CHST9: variants seen among roughly 807,000 people sequenced by gnomAD.
The protein encoded by CHST9 is GalNAc-4-sulfotransferase 2.
In CHST9, 41 loss-of-function variants were observed where a neutral mutation model predicts 44.4. The observed-to-expected ratio is 0.92, with a 90% confidence interval of 0.72 to 1.20. CHST9 has a LOEUF of 1.20. Among genes scored for constraint, CHST9 ranks in the 50% most tolerant of loss-of-function variants. CHST9 has a pLI of 0.00. For missense variants in CHST9, 504 were observed against 516.5 expected (o/e 0.98, Z 0.23); for synonymous variants, 171 against 178.4 (o/e 0.96, Z 0.33).
intron 4 of CHST9, among the ~76,000 whole-genome samples, chr18:27,022,847 AT>A (rs2057241989): frequency 6.6e-6 from 1 of 152,218 alleles, no homozygotes; most frequent in South Asian, 2.1e-4. Flanking sequence ...ACATGAGAAA[AT>A]CACTTGTCTC....
At chr18:27,167,361 T>C (rs2143947001) in intron 1 of CHST9, among the ~76,000 whole-genome samples, 1 of 152,308 alleles carries the variant, frequency 6.6e-6, no homozygotes, top group South Asian at 2.1e-4. Flanking sequence ...CCTTCTGGTG[T>C]ACTGACTCCT....
intron 4 of CHST9, among the ~76,000 whole-genome samples, chr18:27,002,471 C>T (rs990679080): frequency 1.3e-5 from 2 of 152,172 alleles, no homozygotes; most frequent in Non-Finnish European, 2.9e-5. Context: ...TATATCCATT[C>T]AGCAGAAATT....
At chr18:27,121,070 C>T (rs1230662865) in intron 2 of CHST9, among the ~76,000 whole-genome samples, 1 of 152,172 alleles carries the variant, frequency 6.6e-6, no homozygotes, top group African/African-American at 2.4e-5. Flanking sequence ...GGCACAATCA[C>T]GGCTCACTGA....
chr18:26,964,135 TTATTAAC>T (rs2056434880), intron 4 of CHST9, among the ~76,000 whole-genome samples: 1 of 152,186 alleles, frequency 6.6e-6, no homozygotes, highest in African/African-American at 2.4e-5. Context: ...TGGACAACAT[TTATTAAC>T]GTTCTAATGC....
intron 3 of CHST9, among the ~76,000 whole-genome samples, chr18:27,031,433 T>G (rs761201095): frequency 2.6e-5 from 4 of 151,908 alleles, no homozygotes; most frequent in Non-Finnish European, 5.9e-5. Flanking sequence ...CACCTTTTGA[T>G]CCTTTCTTTC....
At chr18:27,078,609 G>C (rs1315772779) in intron 2 of CHST9, among the ~76,000 whole-genome samples, 1 of 152,144 alleles carries the variant, frequency 6.6e-6, no homozygotes, top group Non-Finnish European at 1.5e-5. Context: ...TGACTTGCCT[G>C]AGGCTTCCCC....
chr18:26,947,366 C>T (rs1240013750), intron 4 of CHST9, among the ~76,000 whole-genome samples: 1 of 152,084 alleles, frequency 6.6e-6, no homozygotes, highest in Admixed American at 6.6e-5. Flanking sequence ...ATGACTAAAA[C>T]ACCAAAAGCA....
chr18:27,001,513 G>A lies in CHST9; in HGVS notation c.202+22603C>T, dbSNP rs1327678924. ...TAAGACAAGCTGAGATTTGGATGTG[G>A]AACTAGTTAAGAGAGAAAAGAAGGT... On this transcript the variant is annotated intron_variant, in intron 4 of 5. Transcript: ENST00000618847. 6.6e-5 allele frequency among the ~76,000 whole-genome samples: 10 copies of A among 152,282 alleles called. No homozygotes were observed. In the South Asian group the frequency reaches 2.1e-3, roughly 32 times the overall value.
At chr18:27,062,318 C>G (rs555097413) in intron 2 of CHST9, among the ~76,000 whole-genome samples, 31 of 152,242 alleles carry the variant, frequency 2.0e-4, no homozygotes, top group Admixed American at 9.8e-4. Flanking sequence ...CACCTCCCCC[C>G]ACCCCATGAC....
Position 27,012,502 on chromosome 18 carries a change from AGTTG to A in CHST9, c.202+11610_202+11613del, listed in dbSNP as rs369358951. Among the ~76,000 whole-genome samples, 684 of 152,290 alleles carry A rather than the reference AGTTG, an allele frequency of 4.5e-3. 5 individuals are homozygous for A. The highest frequency in any genetic ancestry group is 0.016 in the African/African-American group (666 of 41,560). On this transcript the variant is annotated intron_variant, in intron 4 of 5. Coordinates refer to ENST00000618847, the MANE Select transcript of CHST9 (RefSeq NM_031422.6). The stretch of plus-strand genomic sequence containing the variant: ...GGTAGAGGAGGAGAGGAAGAGAAGG[AGTTG>A]GTCTTGCTATCTCAGGGGTGGACGA...
chr18:27,000,890 T>C (rs2145226312), intron 4 of CHST9, among the ~76,000 whole-genome samples: 1 of 152,206 alleles, frequency 6.6e-6, no homozygotes, highest in East Asian at 1.9e-4. Flanking sequence ...GCTCTCAAGA[T>C]TCACCCCCCC....
chr18:27,169,544 T>G (rs1483479050), intron 1 of CHST9, among the ~76,000 whole-genome samples: 1 of 151,824 alleles, frequency 6.6e-6, no homozygotes, highest in African/African-American at 2.4e-5. Flanking sequence ...AAAAACTTTA[T>G]GTAATGGACA....
rs569358691 is a variant in CHST9, at chr18:27,062,191, T to A, written c.122-13688A>T. 3.3e-5 allele frequency among the ~76,000 whole-genome samples: 5 copies of A among 152,326 alleles called. No individual in the cohort carries two copies. In the East Asian group the frequency reaches 5.8e-4, roughly 18 times the overall value. ...TTTTTTATTATTATACTTTAAGTTC[T>A]AGGGTACATATGCACAATGTGCAGG... On this transcript the variant is annotated intron_variant, in intron 2 of 5. Coordinates refer to ENST00000618847, the MANE Select transcript of CHST9 (RefSeq NM_031422.6).
intron 2 of CHST9, among the ~76,000 whole-genome samples, chr18:27,083,077 A>T (rs2057976242): frequency 6.6e-6 from 1 of 152,192 alleles, no homozygotes; most frequent in Non-Finnish European, 1.5e-5. Context: ...AGATAGCCGT[A>T]AGGAAAGGTA....
In CHST9 at chr18:26,944,340, T is replaced by G. The variant is rs778432373; in HGVS notation, c.229A>C (p.Ile77Leu). 4 of 1,609,182 alleles carry G rather than the reference T, an allele frequency of 2.5e-6. No individual in the cohort carries two copies. The highest frequency in any genetic ancestry group is 3.4e-6 in the Non-Finnish European group (4 of 1,176,000). The change falls in exon 5 of 6, where the codon ATC (isoleucine) becomes CTC (leucine). Residue 77 changes from isoleucine to leucine, a missense_variant. Physicochemically the swap from Ile to Leu is conservative, Grantham distance 5. Transcript: ENST00000618847. ...IMSTEKIQEH[I>L]TNQNPKFHMP... is the part of the protein sequence containing the mutation. Reference sequence around the variant, plus strand: ...AAATGAGAGAATACCTGGTTGGTGATATGTTCCTGGATTTTTTCTGTACTC... The same window carrying G: ...AAATGAGAGAATACCTGGTTGGTGAGATGTTCCTGGATTTTTTCTGTACTC...
intron 5 of CHST9, among the ~76,000 whole-genome samples, chr18:26,941,676 C>T (rs188110413): frequency 2.5e-4 from 38 of 152,154 alleles, no homozygotes; most frequent in African/African-American, 7.5e-4. Flanking sequence ...CATTCTAGAA[C>T]AGAGGCTGCC....
At chr18:26,983,556 G>A (rs970905019) in intron 4 of CHST9, among the ~76,000 whole-genome samples, 5 of 152,140 alleles carry the variant, frequency 3.3e-5, no homozygotes, top group South Asian at 2.1e-4. Flanking sequence ...TGCCAGCTTC[G>A]TGTATAGCCT....
At chr18:27,024,729 T>C (rs2057265321) in intron 3 of CHST9, among the ~76,000 whole-genome samples, 1 of 152,140 alleles carries the variant, frequency 6.6e-6, no homozygotes, top group Non-Finnish European at 1.5e-5. Context: ...AAAAGAGGGC[T>C]CTGAGGCAAG....
chr18:27,076,060 C>T (rs535084644), intron 2 of CHST9, among the ~76,000 whole-genome samples: 1 of 152,256 alleles, frequency 6.6e-6, no homozygotes, highest in African/African-American at 2.4e-5. Context: ...TCGCATCCTC[C>T]GCTTCAAAGC....
Sources: gnomAD v4.1 joint callset for allele counts (sites outside exome capture counted in the v4.1 genomes callset) on GRCh38, gnomAD v4.1.1 for gene constraint, MANE v1.5 for transcripts, NCBI Gene and HGNC (gene_info 2026-07-23, HGNC 2026-07-21) for gene names.